The following GPC6 variants were observed in gnomAD, a reference collection of about 807,000 sequenced individuals.
The protein encoded by GPC6 is glypican 6, also known as glypican-6.
A neutral mutation model predicts 55.2 loss-of-function variants in GPC6; 14 were observed. The ratio of observed to expected loss-of-function variants is 0.25; its 90% CI spans 0.17 to 0.40. GPC6 has a LOEUF of 0.40. GPC6 is among the 10% of genes least tolerant of loss of function. The pLI is 1.00. For synonymous variants in GPC6, 278 were observed against 259.6 expected (o/e 1.07, Z -0.68); for missense variants, 641 against 708.5 (o/e 0.90, Z 1.08).
intron 1 of GPC6, among the ~76,000 whole-genome samples, chr13:93,301,094 A>T (rs563397624): frequency 6.6e-6 from 1 of 152,158 alleles, no homozygotes; most frequent in African/African-American, 2.4e-5. Flanking sequence ...ATTGGCAGAC[A>T]TTTCCTTAAT....
chr13:93,754,468 A>T (rs190944401), intron 2 of GPC6, among the ~76,000 whole-genome samples: 3 of 152,238 alleles, frequency 2.0e-5, no homozygotes. Context: ...GCTAAAAGAG[A>T]TAAATAATTA....
intron 1 of GPC6, among the ~76,000 whole-genome samples, chr13:93,409,832 G>C (rs1425497039): frequency 6.6e-6 from 1 of 152,126 alleles, no homozygotes; most frequent in African/African-American, 2.4e-5. Context: ...ACTGTGAGAT[G>C]GGGCATTGAC....
intron 4 of GPC6, among the ~76,000 whole-genome samples, chr13:94,278,734 A>G (rs1892284605): frequency 6.6e-6 from 1 of 152,212 alleles, no homozygotes; most frequent in East Asian, 1.9e-4. Context: ...GTGATGGATT[A>G]CATATATTGA....
At position 94,130,059 on chromosome 13, in the gene GPC6, G is replaced by T. The variant is rs1036037137; in HGVS notation, c.877+102165G>T. ...GTGATGGAATCATATTCATTGCATT[G>T]ATGGAGCAAGATATATTTAATGCTC... On this transcript the variant is annotated intron_variant, in intron 4 of 8. Transcript: ENST00000377047. Among the ~76,000 whole-genome samples the T allele has an allele frequency of 8.5e-5, 13 of 152,154 alleles. No individual in the cohort carries two copies. In the East Asian group the frequency reaches 2.5e-3, roughly 29 times the overall value.
chr13:93,334,273 C>T (rs1203983367), intron 1 of GPC6, among the ~76,000 whole-genome samples: 1 of 152,050 alleles, frequency 6.6e-6, no homozygotes, highest in Non-Finnish European at 1.5e-5. Flanking sequence ...TACTATAGTT[C>T]TGTATAAAAA....
chr13:93,534,758 A>G (rs1278389499), intron 1 of GPC6, among the ~76,000 whole-genome samples: 1 of 152,190 alleles, frequency 6.6e-6, no homozygotes, highest in African/African-American at 2.4e-5. Context: ...TGGAAAACAG[A>G]TGACAATTTA....
chr13:94,332,871 G>A (rs1340461885), intron 6 of GPC6, among the ~76,000 whole-genome samples: 1 of 152,190 alleles, frequency 6.6e-6, no homozygotes, highest in African/African-American at 2.4e-5. Flanking sequence ...TTACAAGAAA[G>A]ACACTTTTCT....
chr13:94,247,848 G>A (rs1891242188), intron 4 of GPC6, among the ~76,000 whole-genome samples: 2 of 151,700 alleles, frequency 1.3e-5, no homozygotes, highest in South Asian at 4.2e-4. Flanking sequence ...TTAAAGAGAT[G>A]GGGGTCTCGC....
intron 2 of GPC6, among the ~76,000 whole-genome samples, chr13:93,722,712 T>C (rs1464734114): frequency 6.6e-6 from 1 of 151,952 alleles, no homozygotes; most frequent in African/African-American, 2.4e-5. Flanking sequence ...ATGGTTCTTA[T>C]AGCTGCACGT....
At chr13:94,225,811 G>T (rs770813037) in intron 4 of GPC6, among the ~76,000 whole-genome samples, 3 of 151,942 alleles carry the variant, frequency 2.0e-5, no homozygotes, top group Non-Finnish European at 4.4e-5. Flanking sequence ...CCAATGCATC[G>T]TTCAGTATTC....
intron 3 of GPC6, among the ~76,000 whole-genome samples, chr13:93,860,997 G>T (rs964947346): frequency 4.0e-5 from 6 of 150,424 alleles, no homozygotes; most frequent in African/African-American, 1.5e-4. Flanking sequence ...GGACTGTGTT[G>T]CAGTTACATA....
chr13:93,932,264 A>G (rs943149409), intron 3 of GPC6, among the ~76,000 whole-genome samples: 1 of 152,192 alleles, frequency 6.6e-6, no homozygotes, highest in Non-Finnish European at 1.5e-5. Context: ...CCAAAAGTTT[A>G]AAAATGAATA....
intron 1 of GPC6, among the ~76,000 whole-genome samples, chr13:93,441,285 GGTTGAACTA>G (rs1486415693): frequency 6.6e-6 from 1 of 152,132 alleles, no homozygotes; most frequent in Non-Finnish European, 1.5e-5. Flanking sequence ...CTTCCACAAT[GGTTGAACTA>G]GTTTACAGTC....
At chr13:94,133,096 T>C (rs1034979602) in intron 4 of GPC6, among the ~76,000 whole-genome samples, 2 of 152,002 alleles carry the variant, frequency 1.3e-5, no homozygotes, top group African/African-American at 4.8e-5. Flanking sequence ...AGAAGAGCAG[T>C]CTTTTCTGTC....
At chr13:93,750,845 TGGTGATTCCAA>T (rs1884552506) in intron 2 of GPC6, among the ~76,000 whole-genome samples, 2 of 152,310 alleles carry the variant, frequency 1.3e-5, no homozygotes, top group East Asian at 3.9e-4. Context: ...ACTACCACCA[TGGTGATTCCAA>T]GGCGAGTCCA....
chr13:93,305,013 G>C (rs1011165286), intron 1 of GPC6, among the ~76,000 whole-genome samples: 4 of 152,112 alleles, frequency 2.6e-5, no homozygotes, highest in African/African-American at 9.7e-5. Context: ...TCCACAACAG[G>C]ATCATTCTCT....
rs148646391 is a variant in GPC6 at position 93,318,895 on chromosome 13, G to T, written c.160+91279G>T. 2.2e-4 allele frequency among the ~76,000 whole-genome samples: 34 copies of T among 152,250 alleles called. No individual in the cohort carries two copies. The East Asian group carries it at 6.2e-3, about 28-fold the overall frequency. ...GTTGCTATATGTTATAGCTTTCCCT[G>T]CATGAACAGACACTGACTACTGGAG... On this transcript the variant is annotated intron_variant, in intron 1 of 8. Transcript: ENST00000377047.
At chr13:94,212,024 A>T (rs1217361864) in intron 4 of GPC6, among the ~76,000 whole-genome samples, 1 of 152,220 alleles carries the variant, frequency 6.6e-6, no homozygotes, top group East Asian at 1.9e-4. Context: ...GTCTAAAAAA[A>T]TCAATGAGGA....
intron 1 of GPC6, among the ~76,000 whole-genome samples, chr13:93,441,023 C>G (rs1179750548): frequency 2.0e-5 from 3 of 152,186 alleles, no homozygotes; most frequent in Admixed American, 2.0e-4. Context: ...AGGACATGAA[C>G]TCATCATTTT....
Sources: gnomAD v4.1 joint callset for allele counts (sites outside exome capture counted in the v4.1 genomes callset) on GRCh38, gnomAD v4.1.1 for gene constraint, MANE v1.5 for transcripts, NCBI Gene and HGNC (gene_info 2026-07-23, HGNC 2026-07-21) for gene names.